The following PRDM2 variants were observed in gnomAD, a reference collection of about 807,000 sequenced individuals.
PRDM2 encodes the protein PR domain zinc finger protein 2.
PRDM2 carries 30 observed loss-of-function variants against 130.0 expected under a neutral mutation model. The ratio of observed to expected loss-of-function variants is 0.23; its 90% CI spans 0.17 to 0.31. The LOEUF (loss-of-function observed/expected upper bound fraction) is 0.31, where lower values mean the gene tolerates loss of function less well. PRDM2 is among the 10% of genes least tolerant of loss of function. The pLI is 1.00. For missense variants in PRDM2, 2,011 were observed against 2,108.4 expected, an observed-to-expected ratio of 0.95 and a Z score of 0.90; for synonymous variants, 871 against 782.4, an observed-to-expected ratio of 1.11 and a Z score of -1.89.
At chr1:13,757,154 G>T (rs1643976248) in intron 6 of PRDM2, among the ~76,000 whole-genome samples, 2 of 152,226 alleles carry the variant, frequency 1.3e-5, no homozygotes, top group African/African-American at 4.8e-5. Context: ...CAGTCATGGT[G>T]ACACCTTCAG....
At chr1:13,749,282 C>G (rs1569853372) in intron 5 of PRDM2, 79 bp from the exon 6 acceptor site, 23 of 1,263,354 alleles carry the variant, frequency 1.8e-5, no homozygotes. Context: ...CGCTCCCGCC[C>G]GCGTCCCGGT....
intron 7 of PRDM2, among the ~76,000 whole-genome samples, chr1:13,773,823 G>A (rs1644410624): frequency 1.3e-5 from 2 of 152,174 alleles, no homozygotes; most frequent in South Asian, 4.2e-4. Flanking sequence ...GGAGGCACCT[G>A]GGGTGCTCGC....
chr1:13,755,081 C>T lies in PRDM2; in HGVS notation c.511+5594C>T, dbSNP rs113302542. On this transcript the variant is annotated intron_variant, in intron 6 of 9. Transcript: ENST00000311066. Reference sequence around the variant, plus strand: ...GCGGTCTGTTTTTAAAAGCTCAGTACGGTTTTAATTAGTAGTTTTTCAACA... The same window carrying T: ...GCGGTCTGTTTTTAAAAGCTCAGTATGGTTTTAATTAGTAGTTTTTCAACA... 2.4e-3 allele frequency among the ~76,000 whole-genome samples: 369 copies of T among 152,044 alleles called. 1 individual carries two copies. The highest frequency in any genetic ancestry group is 8.5e-3 in the African/African-American group (352 of 41,454).
intron 8 of PRDM2, chr1:13,788,180 T>G (rs1644779559): frequency 1.2e-6 from 1 of 869,306 alleles, no homozygotes; most frequent in Non-Finnish European, 1.4e-6. Context: ...AATTTAAAAG[T>G]GCGGCGTCTA....
chr1:13,742,227 G>T, intron 5 of PRDM2, 70 bp downstream of exon 5: 1 of 1,482,842 alleles, frequency 6.7e-7, no homozygotes, highest in South Asian at 1.2e-5. Flanking sequence ...TTTTGAGACG[G>T]TCTCATTCTG....
intron 9 of PRDM2, among the ~76,000 whole-genome samples, chr1:13,818,962 A>C (rs944756706): frequency 6.6e-6 from 1 of 152,132 alleles, no homozygotes; most frequent in South Asian, 2.1e-4. Context: ...TACAGATGGA[A>C]AAATTGAGGC....
At chr1:13,731,576 C>T (rs965484005) in intron 3 of PRDM2, among the ~76,000 whole-genome samples, 4 of 152,182 alleles carry the variant, frequency 2.6e-5, no homozygotes, top group African/African-American at 9.7e-5. Context: ...GTACCAGATA[C>T]TTTGTGGACC....
intron 7 of PRDM2, among the ~76,000 whole-genome samples, chr1:13,777,937 A>G (rs1377905023): frequency 6.6e-6 from 1 of 152,128 alleles, no homozygotes; most frequent in African/African-American, 2.4e-5. Flanking sequence ...GGGAGAGAGG[A>G]TCATTTACTC....
At chr1:13,749,335 G>T in intron 5 of PRDM2, 26 bp from the exon 6 acceptor site, 1 of 1,445,272 alleles carries the variant, frequency 6.9e-7, no homozygotes, top group Non-Finnish European at 9.2e-7. Flanking sequence ...TGATTGGCCC[G>T]GCGCTTGTCT....
chr1:13,779,727 A>T lies in PRDM2; in HGVS notation c.1932A>T (p.Pro644=). 1 of 1,614,172 alleles carries T rather than the reference A, an allele frequency of 6.2e-7. No individual in the cohort carries two copies. The highest frequency in any genetic ancestry group is 8.5e-7 in the Non-Finnish European group (1 of 1,180,034). ...SEAKKRRTAS[P]PALPKIKAET... ...CCAAGAAGCGGAGAACTGCGAGCCC[A>T]CCTGCACTGCCCAAAATTAAGGCCG... The change falls in exon 8 of 10, where the codon CCA becomes CCT. Residue 644 remains proline (P), a synonymous_variant. Coordinates refer to ENST00000311066, the MANE Select transcript of PRDM2 (RefSeq NM_001393986.1). The surrounding 1 kb of genome is among the most constrained non-coding windows in gnomAD (Gnocchi z 4.9).
intron 2 of PRDM2, 67 bp from the exon 3 acceptor site, chr1:13,730,930 GAAA>G (rs35643856): frequency 9.3e-6 from 9 of 968,002 alleles, no homozygotes; most frequent in South Asian, 3.6e-5. Context: ...TATTGAACCA[GAAA>G]AAAAAAAAAA....
intron 6 of PRDM2, among the ~76,000 whole-genome samples, chr1:13,767,523 CT>C (rs1644256693): frequency 6.9e-6 from 1 of 145,964 alleles, no homozygotes; most frequent in African/African-American, 2.6e-5. Flanking sequence ...CAAGGCTGGT[CT>C]TGAGCCCCTA....
intron 8 of PRDM2, among the ~76,000 whole-genome samples, chr1:13,807,644 G>C (rs994952097): frequency 6.6e-6 from 1 of 152,154 alleles, no homozygotes; most frequent in Non-Finnish European, 1.5e-5. Context: ...GGAACAGCCT[G>C]TGCCGAGTCC....
At chr1:13,712,492 CCTGA>C (rs1262189167) in intron 1 of PRDM2, among the ~76,000 whole-genome samples, 1 of 152,172 alleles carries the variant, frequency 6.6e-6, no homozygotes, top group Non-Finnish European at 1.5e-5. Context: ...CAGTGCCATC[CCTGA>C]CTGACTTTCT....
At chr1:13,740,941 AC>A (rs1643420025) in intron 4 of PRDM2, among the ~76,000 whole-genome samples, 1 of 152,192 alleles carries the variant, frequency 6.6e-6, no homozygotes, top group African/African-American at 2.4e-5. Context: ...TAATGTGGGT[AC>A]GGGAGGGAAG....
chr1:13,730,698 C>G (rs1445906473), intron 2 of PRDM2, among the ~76,000 whole-genome samples: 2 of 152,122 alleles, frequency 1.3e-5, no homozygotes, highest in Non-Finnish European at 2.9e-5. Context: ...CTGCCAGATT[C>G]TATTTGTGTT....
chr1:13,743,595 A>G (rs1643517794), intron 5 of PRDM2, among the ~76,000 whole-genome samples: 1 of 152,174 alleles, frequency 6.6e-6, no homozygotes, highest in African/African-American at 2.4e-5. Context: ...AGTCTATGGA[A>G]AAAATGATCT....
At chr1:13,763,076 A>G (rs1193301927) in intron 6 of PRDM2, among the ~76,000 whole-genome samples, 1 of 152,212 alleles carries the variant, frequency 6.6e-6, no homozygotes, top group Admixed American at 6.5e-5. Flanking sequence ...TGGCATATTC[A>G]AATGCCGTTG....
At chr1:13,706,138 C>T (rs1295631257) in intron 1 of PRDM2, among the ~76,000 whole-genome samples, 1 of 152,084 alleles carries the variant, frequency 6.6e-6, no homozygotes, top group East Asian at 1.9e-4. Context: ...TTCTTTTTTA[C>T]CTCCTGTTCA....
Sources: allele counts gnomAD v4.1 joint callset (sites outside exome capture counted in the v4.1 genomes callset), GRCh38; gene constraint gnomAD v4.1.1; non-coding constraint Gnocchi (gnomAD v3.1); transcripts MANE v1.5; gene names NCBI Gene and HGNC (gene_info 2026-07-23, HGNC 2026-07-21).